The following FANCA variants were observed in gnomAD, a reference collection of about 807,000 sequenced individuals.
The protein encoded by FANCA is Fanconi anemia group A protein.
In FANCA, 236 loss-of-function variants were observed where a neutral mutation model predicts 194.3. That is an observed-to-expected ratio of 1.21 (90% CI 1.09 to 1.35). The LOEUF (loss-of-function observed/expected upper bound fraction) is 1.35. Ranked by LOEUF, FANCA falls within the 40% of genes most tolerant of loss-of-function variation. The pLI, the probability that FANCA is intolerant of heterozygous loss-of-function variation, is 0.00. For synonymous variants in FANCA, 1,014 were observed against 715.8 expected, an observed-to-expected ratio of 1.42 and a Z score of -6.65; for missense variants, 2,628 against 1,813.9, an observed-to-expected ratio of 1.45 and a Z score of -8.15.
chr16:89,744,879 C>T, intron 36 of FANCA, 80 bp downstream of exon 36: 1 of 1,310,422 alleles, frequency 7.6e-7, no homozygotes. Context: ...TCAAGCAAGC[C>T]AGGGTGTTTA....
intron 26 of FANCA, 120 bp downstream of exon 26, chr16:89,769,717 A>T: frequency 8.7e-7 from 1 of 1,150,064 alleles, no homozygotes; most frequent in Non-Finnish European, 1.3e-6. Flanking sequence ...CCAAAATGCT[A>T]AAAAGTGGTT....
At position 89,773,310 on chromosome 16, in the gene FANCA, C is replaced by A. The variant is rs1302101576; in HGVS notation, c.1975G>T (p.Glu659Ter). The change falls in exon 22 of 43, where the codon GAG (glutamate) becomes TAG (stop). Residue 659 changes from glutamate (E) to a stop codon, truncating the protein, a stop_gained. Transcript: ENST00000389301. LOFTEE classifies it high-confidence loss of function. The stretch of plus-strand genomic sequence containing the variant: ...GGGTCTGTCATGGAGGCTCTCAGCT[C>A]TCCCAGTGCAGCTGTGAGCTGTCCC... ...PLGQLTAALG[E>*]LRASMTDPSQ... The A allele has an allele frequency of 1.9e-6, 3 of 1,551,552 alleles. No individual in the cohort carries two copies. Among genetic ancestry groups the A allele is most frequent in the Admixed American group, 2.0e-5 (1 of 50,996 alleles).
At chr16:89,746,436 T>A (rs2038392404) in intron 35 of FANCA, 148 bp downstream of exon 35, 4 of 718,642 alleles carry the variant, frequency 5.6e-6, no homozygotes, top group Non-Finnish European at 9.9e-6. Flanking sequence ...TGAGCTGGCA[T>A]CTTTAACTGT....
chr16:89,804,833 A>G (rs2040578633), intron 7 of FANCA, among the ~76,000 whole-genome samples: 1 of 152,110 alleles, frequency 6.6e-6, no homozygotes, highest in Non-Finnish European at 1.5e-5. Flanking sequence ...GGAGTTCAAG[A>G]GCAGCCTGGC....
intron 17 of FANCA, among the ~76,000 whole-genome samples, chr16:89,782,510 CAAA>C (rs750202032): frequency 8.2e-6 from 1 of 122,550 alleles, no homozygotes. Flanking sequence ...ACTGCATCTC[CAAA>C]AAAAAAAAAA....
At position 89,792,518 on chromosome 16, in the gene FANCA, ACT is replaced by A. The variant is rs769580546; in HGVS notation, c.1034_1035del (p.Glu345ValfsTer63). On this transcript the variant is annotated frameshift_variant, in exon 12 of 43. Transcript: ENST00000389301. LOFTEE classifies it high-confidence loss of function. ...AGAGGGTGTGTCCGCGCAAAGCTCCACTCTCTCTGCATCTGAACAGCATCAGA... is the reference window on the plus strand; with the variant it reads ...AGAGGGTGTGTCCGCGCAAAGCTCCACTCTCTGCATCTGAACAGCATCAGA... ...KASDAVQMQR[E>X]WSFARTHPLL... 8 of 1,613,238 alleles carry A rather than the reference ACT, an allele frequency of 5.0e-6. No homozygotes were observed. The highest frequency in any genetic ancestry group is 1.1e-5 in the South Asian group (1 of 91,030).
chr16:89,769,744 T>C, intron 26 of FANCA, 93 bp downstream of exon 26: 1 of 1,419,334 alleles, frequency 7.0e-7, no homozygotes, highest in Non-Finnish European at 9.7e-7. Context: ...GGGTGGTATG[T>C]CTGCATGTCT....
intron 15 of FANCA, among the ~76,000 whole-genome samples, chr16:89,783,850 G>A (rs978298117): frequency 6.6e-6 from 1 of 151,924 alleles, no homozygotes; most frequent in South Asian, 2.1e-4. Context: ...TGCAACCTCC[G>A]CCTCCCGGGT....
At position 89,792,505 on chromosome 16, in the gene FANCA, C is replaced by A. The variant is rs199967286; in HGVS notation, c.1049G>T (p.Arg350Leu). 39 of 1,613,430 alleles carry A rather than the reference C, an allele frequency of 2.4e-5. No homozygotes were observed. Among genetic ancestry groups the A allele is most frequent in the Non-Finnish European group, 3.3e-5 (39 of 1,180,004 alleles). Reference sequence around the variant, plus strand: ...CAGTGAGGTGAGCAGAGGGTGTGTCCGCGCAAAGCTCCACTCTCTCTGCAT... The same window carrying A: ...CAGTGAGGTGAGCAGAGGGTGTGTCAGCGCAAAGCTCCACTCTCTCTGCAT... The part of the protein sequence containing the change: ...VQMQREWSFA[R>L]THPLLTSLYR... The change falls in exon 12 of 43, where the codon CGG becomes CTG. Residue 350 changes from arginine to leucine, a missense_variant. Physicochemically the swap from Arg to Leu is moderately radical, Grantham distance 102. Coordinates refer to ENST00000389301, the MANE Select transcript of FANCA (RefSeq NM_000135.4).
At position 89,762,032 on chromosome 16, in the gene FANCA, A is replaced by G. The variant is rs1434480162; in HGVS notation, c.2779-10T>C. 6.2e-7 allele frequency: 1 copy of G among 1,608,496 alleles called. No homozygotes were observed. Among genetic ancestry groups the G allele is most frequent in the Non-Finnish European group, 8.5e-7 (1 of 1,174,770 alleles). ...AGTCTTGGTAAGTTAACTGAGAAAG[A>G]GAGCAAGCAATTCAATACAATGAGG... On this transcript the variant is annotated splice_polypyrimidine_tract_variant and intron_variant, in intron 28 of 42. Transcript: ENST00000389301.
chr16:89,803,336 C>G lies in FANCA; in HGVS notation c.715G>C (p.Val239Leu), dbSNP rs1490757153. ...DVARAMLSDF[V>L]QMFVLRGFQK... Reference sequence around the variant, plus strand: ...AATCCCCTCAAAACAAACATTTGAACAAAATCTGAAAAACCATAAAACCAA... The same window carrying G: ...AATCCCCTCAAAACAAACATTTGAAGAAAATCTGAAAAACCATAAAACCAA... The change falls in exon 8 of 43, where the codon GTT (valine) becomes CTT (leucine). Residue 239 changes from valine (V) to leucine (L), a missense_variant. Transcript: ENST00000389301. The G allele has an allele frequency of 1.9e-6, 3 of 1,613,708 alleles. No individual in the cohort carries two copies. The highest frequency in any genetic ancestry group is 2.5e-6 in the Non-Finnish European group (3 of 1,179,804).
Position 89,815,991 on chromosome 16 carries a change from G to A in FANCA, c.80-5C>T, listed in dbSNP as rs777687671. ...TTTCCCTCTTGACCCTTCCCGCTAC[G>A]GAGAGAAGTCGGTTCGAAACCATCA... On this transcript the variant is annotated splice_region_variant and splice_polypyrimidine_tract_variant and intron_variant, in intron 1 of 42. Coordinates refer to ENST00000389301, the MANE Select transcript of FANCA (RefSeq NM_000135.4). 2.1e-5 allele frequency: 33 copies of A among 1,608,144 alleles called. No homozygotes were observed. The South Asian group carries it at 2.4e-4, about 12-fold the overall frequency.
At chr16:89,765,102 C>T (rs2159116) in intron 27 of FANCA, 36 bp from the exon 28 acceptor site, 29 of 1,610,990 alleles carry the variant, frequency 1.8e-5, no homozygotes, top group African/African-American at 4.0e-5. Flanking sequence ...TTCTTCATTG[C>T]GCAAGTTTCA....
intron 5 of FANCA, among the ~76,000 whole-genome samples, 154 bp from the exon 6 acceptor site, chr16:89,808,521 A>C (rs1451217966): frequency 6.6e-6 from 1 of 152,190 alleles, no homozygotes; most frequent in African/African-American, 2.4e-5. Flanking sequence ...AGAGCCTGAA[A>C]CACATCTTTT....
At chr16:89,778,900 TTTCTA>T (rs1389518604) in intron 19 of FANCA, 38 bp downstream of exon 19, 1 of 1,614,042 alleles carries the variant, frequency 6.2e-7, no homozygotes, top group Non-Finnish European at 8.5e-7. Context: ...AAGTCCTTGC[TTTCTA>T]CACAACTGGT....
At chr16:89,744,911 C>T in intron 36 of FANCA, 48 bp downstream of exon 36, 1 of 1,552,458 alleles carries the variant, frequency 6.4e-7, no homozygotes, top group South Asian at 1.1e-5. Flanking sequence ...TGAGCAGGTC[C>T]CGAAGTGCAT....
chr16:89,798,781 T>A (rs1159341527), intron 10 of FANCA: 2 of 1,412,158 alleles, frequency 1.4e-6, no homozygotes, highest in Non-Finnish European at 1.8e-6. Context: ...ACAGCTACAG[T>A]GTGTTCTAGA....
At chr16:89,783,582 T>C (rs1221608379) in intron 15 of FANCA, among the ~76,000 whole-genome samples, 6 of 146,006 alleles carry the variant, frequency 4.1e-5, no homozygotes, top group Admixed American at 3.4e-4. Flanking sequence ...AAAAACACAA[T>C]AGAAGGCTGC....
At chr16:89,762,569 GAAA>G (rs59550802) in intron 28 of FANCA, 22 of 173,880 alleles carry the variant, frequency 1.3e-4, no homozygotes, top group South Asian at 2.9e-4. Context: ...CTATAAAAAG[GAAA>G]AAAAAAAAAA....
Sources: allele counts gnomAD v4.1 joint callset (sites outside exome capture counted in the v4.1 genomes callset), GRCh38; gene constraint gnomAD v4.1.1; transcripts MANE v1.5; gene names NCBI Gene and HGNC (gene_info 2026-07-23, HGNC 2026-07-21).